Variants in HPR observed in about 807,000 individuals in gnomAD.
HPR encodes haptoglobin-related protein.
HPR carries 17 observed loss-of-function variants against 18.5 expected under a neutral mutation model. The ratio of observed to expected loss-of-function variants is 0.92; its 90% CI spans 0.63 to 1.38. The LOEUF is 1.38. HPR is among the 40% of genes most tolerant of loss of function. The probability of loss-of-function intolerance (pLI) is 0.00; values close to 1 mark genes in which losing one functional copy is unlikely to be tolerated. For missense variants in HPR, 457 were observed against 432.4 expected, an observed-to-expected ratio of 1.06 and a Z score of -0.51; for synonymous variants, 176 against 165.0, an observed-to-expected ratio of 1.07 and a Z score of -0.51.
chr16:72,072,196 CAG>C (rs1567589555), intron 1 of HPR, among the ~76,000 whole-genome samples: 1 of 152,004 alleles, frequency 6.6e-6, no homozygotes, highest in Non-Finnish European at 1.5e-5. Context: ...TTAGTAGAGA[CAG>C]GGTTTCTCCA....
chr16:72,076,676 T>G lies in HPR; in HGVS notation c.642T>G (p.Tyr214Ter). 1 of 1,614,200 alleles carries G rather than the reference T, an allele frequency of 6.2e-7. No homozygotes were observed. Among genetic ancestry groups the G allele is most frequent in the Non-Finnish European group, 8.5e-7 (1 of 1,180,042 alleles). ...CCATCTGCCTACCTTCAAAGAATTA[T>G]GCAGAAGTAGGGCGTGTGGGTTACG... Reference protein sequence around the residue: ...VMPICLPSKNYAEVGRVGYVS... With the variant: ...VMPICLPSKN Residue 214 changes from tyrosine (Y) to a stop codon, truncating the protein, a stop_gained, in exon 5 of 5, where the codon TAT becomes TAG. Transcript: ENST00000540303. LOFTEE classifies it low-confidence loss of function (END_TRUNC).
chr16:72,070,491 C>T (rs1186828092), intron 1 of HPR, among the ~76,000 whole-genome samples: 4 of 152,126 alleles, frequency 2.6e-5, no homozygotes, highest in African/African-American at 4.8e-5. Context: ...GACTGCAGTC[C>T]GAACAGCAGA....
rs373244131 is a variant in HPR, at chr16:72,073,903, C to A, written c.17C>A (p.Ala6Asp). 7.4e-6 allele frequency: 12 copies of A among 1,613,894 alleles called. No homozygotes were observed. The African/African-American group carries it at 1.5e-4, about 20-fold the overall frequency. ...TTTTCTCTCTGCAGTGACCTGGGAG[C>A]TGTCATTTCCCTCCTGCTCTGGGGA... MSDLG[A>D]VISLLLWGRQ... The change falls in exon 2 of 5, where the codon GCT becomes GAT. Residue 6 changes from alanine (A) to aspartate (D), a missense_variant. Coordinates refer to ENST00000540303, the MANE Select transcript of HPR (RefSeq NM_020995.4).
At chr16:72,063,750 CT>C (rs929303606) in intron 1 of HPR, among the ~76,000 whole-genome samples, 13 of 148,546 alleles carry the variant, frequency 8.8e-5, no homozygotes, top group South Asian at 2.2e-4. Flanking sequence ...AGACTAGAAA[CT>C]TTTTTTTTTG....
chr16:72,076,776 C>T lies in HPR; in HGVS notation c.742C>T (p.Gln248Ter). The T allele has an allele frequency of 1.2e-6, 2 of 1,614,182 alleles. No individual in the cohort carries two copies. Among genetic ancestry groups the T allele is most frequent in the Non-Finnish European group, 1.7e-6 (2 of 1,180,028 alleles). Residue 248 changes from glutamine to a stop codon, truncating the protein, a stop_gained, in exon 5 of 5, where the codon CAA (glutamine) becomes TAA (stop). Coordinates refer to ENST00000540303, the MANE Select transcript of HPR (RefSeq NM_020995.4). LOFTEE classifies it high-confidence loss of function. ...LKYVMLPVAD[Q>*]YDCITHYEGS... The stretch of plus-strand genomic sequence containing the variant: ...GTATGTCATGCTGCCTGTGGCTGAC[C>T]AATACGATTGCATAACGCATTATGA...
chr16:72,067,190 A>G (rs1178994819), intron 1 of HPR, among the ~76,000 whole-genome samples: 7 of 152,148 alleles, frequency 4.6e-5, no homozygotes, highest in African/African-American at 1.7e-4. Context: ...CTCTGTCTAT[A>G]TTATCTTGAG....
intron 1 of HPR, among the ~76,000 whole-genome samples, chr16:72,063,956 G>T (rs1222050811): frequency 6.6e-6 from 1 of 152,138 alleles, no homozygotes; most frequent in African/African-American, 2.4e-5. Flanking sequence ...TGGCCCGGAT[G>T]ATCTCGATCT....
chr16:72,071,738 C>A (rs1188678197), intron 1 of HPR, among the ~76,000 whole-genome samples: 2 of 152,156 alleles, frequency 1.3e-5, no homozygotes, highest in East Asian at 1.9e-4. Context: ...GTAACTGGAG[C>A]AGAACATGCA....
chr16:72,075,773 C>T (rs554962051), intron 4 of HPR, among the ~76,000 whole-genome samples: 2 of 152,296 alleles, frequency 1.3e-5, no homozygotes, highest in East Asian at 1.9e-4. Flanking sequence ...GCTCTAGATT[C>T]CTCTTTCTTC....
chr16:72,076,893 A>G lies in HPR; in HGVS notation c.859A>G (p.Lys287Glu). ...NEHTFCVGMS[K>E]YQEDTCYGDA... ...ACACACCTTCTGTGTCGGCATGTCT[A>G]AGTACCAGGAAGACACCTGCTATGG... The change falls in exon 5 of 5, where the codon AAG (lysine) becomes GAG (glutamate). Residue 287 changes from lysine (K) to glutamate (E), a missense_variant. Coordinates refer to ENST00000540303, the MANE Select transcript of HPR (RefSeq NM_020995.4). 1 of 1,614,248 alleles carries G rather than the reference A, an allele frequency of 6.2e-7. No individual in the cohort carries two copies. Among genetic ancestry groups the G allele is most frequent in the Non-Finnish European group, 8.5e-7 (1 of 1,180,042 alleles).
intron 1 of HPR, among the ~76,000 whole-genome samples, chr16:72,071,284 C>G (rs1273547539): frequency 2.0e-5 from 3 of 152,172 alleles, no homozygotes; most frequent in Non-Finnish European, 4.4e-5. Context: ...TGTCAAGATG[C>G]AAATGCTTGG....
Position 72,065,133 on chromosome 16 carries a change from A to G in HPR, c.5+1873A>G, listed in dbSNP as rs1240795185. On this transcript the variant is annotated intron_variant, in intron 1 of 4. Coordinates refer to ENST00000540303, the MANE Select transcript of HPR (RefSeq NM_020995.4). ...ATCTGTGGGTCTATGGTTACCTCAT[A>G]CGGCTTAGCCTTCTCTGAAGGATCC... Among the ~76,000 whole-genome samples, 4 of 152,194 alleles carry G rather than the reference A, an allele frequency of 2.6e-5. No individual in the cohort carries two copies. The East Asian group carries it at 7.7e-4, about 29-fold the overall frequency.
chr16:72,073,086 C>A (rs940224521), intron 1 of HPR, among the ~76,000 whole-genome samples: 12 of 152,224 alleles, frequency 7.9e-5, no homozygotes, highest in Non-Finnish European at 1.5e-5. Context: ...CAAAACTGAT[C>A]TTCCTGCCTT....
intron 1 of HPR, among the ~76,000 whole-genome samples, chr16:72,068,826 G>C (rs1433919636): frequency 6.6e-6 from 1 of 152,118 alleles, no homozygotes; most frequent in Non-Finnish European, 1.5e-5. Context: ...TAAAAAAGCA[G>C]GAAGGTGACT....
At chr16:72,075,973 C>T (rs527539997) in intron 4 of HPR, among the ~76,000 whole-genome samples, 106 of 152,192 alleles carry the variant, frequency 7.0e-4, no homozygotes, top group African/African-American at 2.4e-3. Flanking sequence ...CCGCATCTGG[C>T]CCCTAGCCCT....
Position 72,076,856 on chromosome 16 carries a change from C to A in HPR, c.822C>A (p.Pro274=). 6.2e-7 allele frequency: 1 copy of A among 1,614,240 alleles called. No homozygotes were observed. Among genetic ancestry groups the A allele is most frequent in the Non-Finnish European group, 8.5e-7 (1 of 1,180,048 alleles). ...CGAAGAGCCCTGTAGGGGTGCAGCC[C>A]ATACTGAACGAACACACCTTCTGTG... ...KAPKSPVGVQ[P]ILNEHTFCVG... The change falls in exon 5 of 5, where the codon CCC becomes CCA. Residue 274 remains proline, a synonymous_variant. Transcript: ENST00000540303.
intron 1 of HPR, among the ~76,000 whole-genome samples, chr16:72,065,469 TAAG>T (rs2041588371): frequency 1.3e-5 from 2 of 151,938 alleles, no homozygotes; most frequent in African/African-American, 4.8e-5. Flanking sequence ...AGACAGAGAA[TAAG>T]AAGGATGAAA....
At chr16:72,073,781 T>C (rs1567590018) in intron 1 of HPR, 111 bp from the exon 2 acceptor site, 34 of 1,576,438 alleles carry the variant, frequency 2.2e-5, no homozygotes, top group East Asian at 4.7e-5. Flanking sequence ...TGTGTATGCA[T>C]GTGTGTGTGT....
chr16:72,073,674 A>G, intron 1 of HPR: 3 of 1,432,258 alleles, frequency 2.1e-6, no homozygotes, highest in Non-Finnish European at 1.8e-6. Context: ...AGAAGCAGCT[A>G]AAGCGTGTAT....
Sources: gnomAD v4.1 joint callset for allele counts (sites outside exome capture counted in the v4.1 genomes callset) on GRCh38, gnomAD v4.1.1 for gene constraint, MANE v1.5 for transcripts, NCBI Gene and HGNC (gene_info 2026-07-23, HGNC 2026-07-21) for gene names.